Variants in ZBTB7C observed in about 807,000 individuals in gnomAD.
The protein encoded by ZBTB7C is zinc finger and BTB domain containing 7C.
In ZBTB7C, 8 loss-of-function variants were observed where a neutral mutation model predicts 25.7. The observed-to-expected ratio is 0.31, with a 90% CI of 0.18 to 0.56. The LOEUF (loss-of-function observed/expected upper bound fraction) is 0.56. ZBTB7C is among the 20% of genes least tolerant of loss of function. The pLI is 0.91. For missense variants in ZBTB7C, 824 were observed against 855.2 expected (o/e 0.96, Z 0.46); for synonymous variants, 394 against 369.0 (o/e 1.07, Z -0.78).
intron 2 of ZBTB7C, among the ~76,000 whole-genome samples, chr18:48,309,031 C>G (rs2045748451): frequency 3.3e-5 from 5 of 152,190 alleles, no homozygotes; most frequent in Admixed American, 2.6e-4. Context: ...CAGGCCAGGT[C>G]TCTGGCCATG....
At chr18:48,045,986 C>A (rs145191822) in intron 3 of ZBTB7C, among the ~76,000 whole-genome samples, 1 of 152,204 alleles carries the variant, frequency 6.6e-6, no homozygotes, top group African/African-American at 2.4e-5. Flanking sequence ...GGTGAGCCAC[C>A]TTGAGAGTGG....
chr18:48,177,223 C>T (rs1032916635), intron 3 of ZBTB7C, among the ~76,000 whole-genome samples: 2 of 152,272 alleles, frequency 1.3e-5, no homozygotes, highest in East Asian at 3.9e-4. Context: ...GCAAAGTGGT[C>T]CCCTCGCCCT....
chr18:48,227,839 C>T (rs2043144261), intron 2 of ZBTB7C, among the ~76,000 whole-genome samples: 1 of 152,080 alleles, frequency 6.6e-6, no homozygotes. Flanking sequence ...ATGGAGGGTC[C>T]CCTTGTCCTC....
At chr18:48,155,020 C>A (rs1488017742) in intron 3 of ZBTB7C, among the ~76,000 whole-genome samples, 2 of 152,216 alleles carry the variant, frequency 1.3e-5, no homozygotes, top group Non-Finnish European at 2.9e-5. Context: ...TGGTGCATAA[C>A]TGAATTCTCA....
Position 48,040,882 on chromosome 18 carries a change from CAT to C in ZBTB7C, c.224_225del (p.Tyr75Ter). On this transcript the variant is annotated frameshift_variant, in exon 4 of 5. Transcript: ENST00000590800. LOFTEE classifies it high-confidence loss of function. ...GCCTCAGGCTGGACAAAGTCGATCT[CAT>C]AGACGTAGGGCTGGCTGGCTAGGGT... is the stretch of plus-strand genomic sequence containing the variant. ...AGTLASQPYV[Y>X]EIDFVQPEAL... The C allele has an allele frequency of 3.1e-6, 5 of 1,614,186 alleles. No individual in the cohort carries two copies. The highest frequency in any genetic ancestry group is 4.2e-6 in the Non-Finnish European group (5 of 1,180,036).
intron 2 of ZBTB7C, among the ~76,000 whole-genome samples, chr18:48,303,017 G>A (rs1163008467): frequency 6.6e-6 from 1 of 152,186 alleles, no homozygotes; most frequent in African/African-American, 2.4e-5. Context: ...GTTCCAGCAG[G>A]CCAGGCTGCC....
chr18:48,200,014 GTGTGTGTA>G, intron 2 of ZBTB7C, among the ~76,000 whole-genome samples: 1 of 150,590 alleles, frequency 6.6e-6, no homozygotes. Context: ...GTGTGTGTGT[GTGTGTGTA>G]ATTTTTTTTT....
intron 2 of ZBTB7C, among the ~76,000 whole-genome samples, chr18:48,209,679 C>A (rs900518667): frequency 6.6e-6 from 1 of 151,834 alleles, no homozygotes; most frequent in Non-Finnish European, 1.5e-5. Flanking sequence ...TTGCTTGAAC[C>A]CAGGAGGTCA....
intron 2 of ZBTB7C, among the ~76,000 whole-genome samples, chr18:48,237,905 T>C (rs1200580147): frequency 1.3e-5 from 2 of 152,212 alleles, no homozygotes; most frequent in South Asian, 2.1e-4. Flanking sequence ...CAATGGAATA[T>C]AGTAATAAAA....
intron 3 of ZBTB7C, among the ~76,000 whole-genome samples, chr18:48,153,349 A>T (rs1275395899): frequency 6.6e-6 from 1 of 152,196 alleles, no homozygotes; most frequent in African/African-American, 2.4e-5. Context: ...AGTTTAGAGG[A>T]TCTGCCTGAG....
At chr18:48,082,786 C>T (rs1479310530) in intron 3 of ZBTB7C, among the ~76,000 whole-genome samples, 1 of 152,062 alleles carries the variant, frequency 6.6e-6, no homozygotes, top group African/African-American at 2.4e-5. Context: ...GAGTCAGAGG[C>T]CTAGAGCAAG....
intron 1 of ZBTB7C, among the ~76,000 whole-genome samples, chr18:48,363,785 T>C (rs2047164234): frequency 6.6e-6 from 1 of 152,180 alleles, no homozygotes; most frequent in Non-Finnish European, 1.5e-5. Flanking sequence ...AAAACCTCAC[T>C]GGTAGGGCAA....
At chr18:48,299,764 G>A (rs1375287533) in intron 2 of ZBTB7C, among the ~76,000 whole-genome samples, 4 of 152,252 alleles carry the variant, frequency 2.6e-5, no homozygotes, top group African/African-American at 9.6e-5. Context: ...CCTGTGGGGA[G>A]AGAGAGTTCA....
chr18:48,326,356 A>T (rs1401787669), intron 2 of ZBTB7C, among the ~76,000 whole-genome samples: 1 of 152,146 alleles, frequency 6.6e-6, no homozygotes, highest in East Asian at 1.9e-4. Flanking sequence ...TTGGCCTTCC[A>T]AAGGGCTGGG....
At chr18:48,388,848 T>C (rs1195336455) in intron 1 of ZBTB7C, among the ~76,000 whole-genome samples, 2 of 152,210 alleles carry the variant, frequency 1.3e-5, no homozygotes, top group Non-Finnish European at 2.9e-5. Flanking sequence ...ATGGAAGTAA[T>C]TGGTAGTACA....
chr18:48,403,070 C>T (rs1385058865), intron 1 of ZBTB7C, among the ~76,000 whole-genome samples: 2 of 152,218 alleles, frequency 1.3e-5, no homozygotes, highest in Non-Finnish European at 2.9e-5. Context: ...TGCTGGCAGA[C>T]AGCTGTCCAC....
At chr18:48,207,880 T>C (rs1460063050) in intron 2 of ZBTB7C, among the ~76,000 whole-genome samples, 1 of 152,184 alleles carries the variant, frequency 6.6e-6, no homozygotes, top group African/African-American at 2.4e-5. Flanking sequence ...TTGAGGGAGT[T>C]CCGACTGGAC....
At chr18:48,266,998 A>C (rs1298328656) in intron 2 of ZBTB7C, among the ~76,000 whole-genome samples, 2 of 152,176 alleles carry the variant, frequency 1.3e-5, no homozygotes, top group African/African-American at 4.8e-5. Flanking sequence ...CTATAGCTCA[A>C]AAATTCCTCT....
intron 2 of ZBTB7C, among the ~76,000 whole-genome samples, chr18:48,251,711 C>T (rs1050327662): frequency 5.9e-5 from 9 of 152,170 alleles, no homozygotes; most frequent in Non-Finnish European, 8.8e-5. Flanking sequence ...AAGATCAGGG[C>T]GGGATGGCCA....
Sources: allele counts gnomAD v4.1 joint callset (sites outside exome capture counted in the v4.1 genomes callset), GRCh38; gene constraint gnomAD v4.1.1; transcripts MANE v1.5; gene names NCBI Gene and HGNC (gene_info 2026-07-23, HGNC 2026-07-21).